PIGX: variants seen among roughly 807,000 people sequenced by gnomAD.
PIGX encodes phosphatidylinositol glycan anchor biosynthesis class X.
PIGX carries 24 observed loss-of-function variants against 28.7 expected under a neutral mutation model. The observed-to-expected ratio is 0.84, with a 90% CI of 0.60 to 1.17. The LOEUF is 1.17. Ranked by LOEUF, PIGX falls within the 50% of genes most tolerant of loss-of-function variation. PIGX has a pLI of 0.00. For synonymous variants in PIGX, 127 were observed against 121.0 expected (o/e 1.05, Z -0.33); for missense variants, 305 against 317.8 (o/e 0.96, Z 0.31).
At position 196,722,572 on chromosome 3, in the gene PIGX, G is replaced by C. The variant is rs200546966; in HGVS notation, c.318+16G>C. ...CATAACAGAGGTACAGTTATTAGGG[G>C]ATTTTTTGGGAGAGAAATTAATTTA... On this transcript the variant is annotated intron_variant, in intron 3 of 5. Transcript: ENST00000392391. 5,392 of 1,603,756 alleles carry C rather than the reference G, an allele frequency of 3.4e-3. 12 individuals are homozygous for C. Among genetic ancestry groups the C allele is most frequent in the Non-Finnish European group, 3.9e-3 (4,633 of 1,174,568 alleles).
rs758336580 is a variant in PIGX, at chr3:196,735,298, A to G, written c.*1396A>G. 1.5e-5 allele frequency: 1 copy of G among 65,410 alleles called. No individual in the cohort carries two copies. Among genetic ancestry groups the G allele is most frequent in the Non-Finnish European group, 3.1e-5 (1 of 32,030 alleles). The allele number at this position is 65,410 out of a possible 1,614,324, so 4.1% of individuals were successfully genotyped here. On this transcript the variant is annotated 3_prime_UTR_variant, in exon 6 of 6. Coordinates refer to ENST00000392391, the MANE Select transcript of PIGX (RefSeq NM_017861.4). ...CGACAGAGTGAGACTCTGTCTCAAA[A>G]AAAAAAAAAAAAAAAAAAAAAAAAA...
At chr3:196,724,555 G>A (rs996401170) in intron 3 of PIGX, among the ~76,000 whole-genome samples, 5 of 152,170 alleles carry the variant, frequency 3.3e-5, no homozygotes, top group African/African-American at 9.7e-5. Context: ...AAGGTTGACT[G>A]TTAGAAGAAA....
At chr3:196,724,959 G>C (rs1409416328) in intron 3 of PIGX, among the ~76,000 whole-genome samples, 2 of 152,212 alleles carry the variant, frequency 1.3e-5, no homozygotes, top group African/African-American at 4.8e-5. Context: ...TGTGGGCCCA[G>C]ATTAAATGAG....
chr3:196,717,211 G>C (rs1712133041), intron 2 of PIGX, among the ~76,000 whole-genome samples: 1 of 150,938 alleles, frequency 6.6e-6, no homozygotes, highest in African/African-American at 2.4e-5. Context: ...TGAGGCAGGA[G>C]AATCACTTGA....
rs1158954229 is a variant in PIGX, at chr3:196,722,626, ATAG to A, written c.318+74_318+76del. On this transcript the variant is annotated intron_variant, in intron 3 of 5. Coordinates refer to ENST00000392391, the MANE Select transcript of PIGX (RefSeq NM_017861.4). ...GTGCTGTAGTTTGGATTAAGGAAAA[ATAG>A]TAGGTTTTCTTTTCATTTTGTTAAA... is the stretch of plus-strand genomic sequence containing the variant. 4.6e-6 allele frequency: 6 copies of A among 1,301,636 alleles called. No homozygotes were observed. In the East Asian group the frequency reaches 9.2e-5, roughly 20 times the overall value. The allele number at this position is 1,301,636 out of a possible 1,614,324, so 80.6% of individuals were successfully genotyped here. A position where few individuals can be genotyped will look rare whatever the true frequency, so the allele number is the denominator to read the frequency against.
chr3:196,715,031 G>A (rs923594156), intron 1 of PIGX, among the ~76,000 whole-genome samples: 69 of 152,236 alleles, frequency 4.5e-4, no homozygotes, highest in Admixed American at 4.3e-3. Flanking sequence ...AGCCAAGATC[G>A]TGCAACTGCA....
chr3:196,729,999 G>A (rs528272361), intron 4 of PIGX, among the ~76,000 whole-genome samples: 1 of 151,684 alleles, frequency 6.6e-6, no homozygotes, highest in South Asian at 2.1e-4. Context: ...GAACCTGGGA[G>A]GCGGAGGTTT....
rs1712922179 is a variant in PIGX, at chr3:196,734,081, A to T, written c.*179A>T. ...ATTCCAAAATGTAGTGCTCTATTGCATGGATCCTTGGTAATCCTCAAGCAT... is the reference window on the plus strand; with the variant it reads ...ATTCCAAAATGTAGTGCTCTATTGCTTGGATCCTTGGTAATCCTCAAGCAT... On this transcript the variant is annotated 3_prime_UTR_variant, in exon 6 of 6. Transcript: ENST00000392391. The T allele has an allele frequency of 1.9e-6, 1 of 529,988 alleles. No homozygotes were observed. 32.8% of individuals were successfully genotyped at this position (529,988 alleles called of 1,614,324 possible).
Position 196,712,430 on chromosome 3 carries a change from T to G in PIGX, c.-103T>G. On this transcript the variant is annotated 5_prime_UTR_variant, in exon 1 of 6. Transcript: ENST00000392391. Reference sequence around the variant, plus strand: ...GCACCCAGCACTCGGTCCCAGCCGATAAATCTGGGGCAGCGCGCGGTAGGA... The same window carrying G: ...GCACCCAGCACTCGGTCCCAGCCGAGAAATCTGGGGCAGCGCGCGGTAGGA... The G allele has an allele frequency of 1.5e-5, 7 of 456,688 alleles. No individual in the cohort carries two copies. The highest frequency in any genetic ancestry group is 1.6e-5 in the Non-Finnish European group (5 of 318,868). The allele number at this position is 456,688 out of a possible 1,614,324, so 28.3% of individuals were successfully genotyped here.
In PIGX at chr3:196,722,402, A is replaced by G. The variant is rs374856528; in HGVS notation, c.177-13A>G. ...GAATGAAGAGATTTACTTTCAATGTACTTGTCTTACAGAGACCTTTTAATC... is the reference window on the plus strand; with the variant it reads ...GAATGAAGAGATTTACTTTCAATGTGCTTGTCTTACAGAGACCTTTTAATC... On this transcript the variant is annotated splice_polypyrimidine_tract_variant and intron_variant, in intron 2 of 5. Coordinates refer to ENST00000392391, the MANE Select transcript of PIGX (RefSeq NM_017861.4). 2.1e-5 allele frequency: 33 copies of G among 1,591,704 alleles called. No homozygotes were observed. The South Asian group carries it at 2.1e-4, about 10-fold the overall frequency.
chr3:196,718,406 A>G (rs1363088220), intron 2 of PIGX, among the ~76,000 whole-genome samples: 2 of 151,812 alleles, frequency 1.3e-5, no homozygotes, highest in Non-Finnish European at 2.9e-5. Context: ...TGAGTTGAGG[A>G]CTTAATCTTA....
At chr3:196,730,101 T>C (rs1451132403) in intron 4 of PIGX, among the ~76,000 whole-genome samples, 1 of 151,716 alleles carries the variant, frequency 6.6e-6, no homozygotes, top group Non-Finnish European at 1.5e-5. Context: ...GCACTGTTAC[T>C]AAAAACCGAC....
At chr3:196,716,271 GT>G (rs11329124) in intron 1 of PIGX, among the ~76,000 whole-genome samples, 60,491 of 149,988 alleles carry the variant, frequency 0.4, 12,186 homozygotes, top group East Asian at 0.56. Context: ...TTTGCTTTTT[GT>G]TTTTTTTTTA....
chr3:196,731,181 A>ATTT, intron 5 of PIGX, 89 bp downstream of exon 5: 22 of 477,808 alleles, frequency 4.6e-5, no homozygotes, highest in East Asian at 8.8e-5. Flanking sequence ...AGAGATTAGC[A>ATTT]TTTTTTTTTT....
At chr3:196,719,747 T>G (rs529542472) in intron 2 of PIGX, among the ~76,000 whole-genome samples, 108 of 152,342 alleles carry the variant, frequency 7.1e-4, no homozygotes, top group African/African-American at 2.6e-3. Flanking sequence ...TTTCACATTA[T>G]TTATTTTAAT....
chr3:196,715,343 T>C (rs1225654313), intron 1 of PIGX, among the ~76,000 whole-genome samples: 13 of 152,206 alleles, frequency 8.5e-5, no homozygotes, highest in African/African-American at 3.1e-4. Context: ...GGCAAACCTT[T>C]CTTCTAATCG....
intron 5 of PIGX, among the ~76,000 whole-genome samples, chr3:196,732,216 T>TTATTTATA (rs1400132891): frequency 9.6e-4 from 49 of 51,286 alleles, no homozygotes; most frequent in Non-Finnish European, 9.2e-4. Context: ...TATATATTAT[T>TTATTTATA]TATATATATA....
chr3:196,731,376 C>T (rs1204384804), intron 5 of PIGX, among the ~76,000 whole-genome samples: 1 of 152,156 alleles, frequency 6.6e-6, no homozygotes, highest in Non-Finnish European at 1.5e-5. Flanking sequence ...CAGGGTTTCA[C>T]CCTGTTGGCC....
At position 196,728,282 on chromosome 3, in the gene PIGX, C is replaced by A. The variant is rs555500160; in HGVS notation, c.532+146C>A. On this transcript the variant is annotated intron_variant, in intron 4 of 5. Transcript: ENST00000392391. ...GGTATTTATTTGCCTTATAATAATTCACTAAACTATGTATTTGAGTAGATT... is the reference window on the plus strand; with the variant it reads ...GGTATTTATTTGCCTTATAATAATTAACTAAACTATGTATTTGAGTAGATT... The A allele has an allele frequency of 3.2e-5, 20 of 622,468 alleles. No individual in the cohort carries two copies. In the East Asian group the frequency reaches 5.2e-4, roughly 16 times the overall value. The allele number at this position is 622,468 out of a possible 1,614,324, so 38.6% of individuals were successfully genotyped here.
Sources: gnomAD v4.1 joint callset for allele counts (sites outside exome capture counted in the v4.1 genomes callset) on GRCh38, gnomAD v4.1.1 for gene constraint, MANE v1.5 for transcripts, NCBI Gene and HGNC (gene_info 2026-07-23, HGNC 2026-07-21) for gene names.